XIRP2: variants seen among roughly 807,000 people sequenced by gnomAD.
The protein encoded by XIRP2 is xin actin binding repeat containing 2.
In XIRP2, 236 loss-of-function variants were observed where a neutral mutation model predicts 277.0. The observed-to-expected ratio is 0.85, with a 90% CI of 0.77 to 0.95. The LOEUF is 0.95. XIRP2 is among the 40% of genes least tolerant of loss of function. The pLI is 0.00. For missense variants in XIRP2, 4,640 were observed against 4,157.5 expected (o/e 1.12, Z -3.19); for synonymous variants, 1,490 against 1,416.5 (o/e 1.05, Z -1.17).
chr2:167,013,682 C>T (rs1349288859), intron 2 of XIRP2, among the ~76,000 whole-genome samples: 11 of 151,520 alleles, frequency 7.3e-5, no homozygotes, highest in Non-Finnish European at 1.3e-4. Context: ...CATTTAAAAA[C>T]ACATTTCTAA....
At chr2:167,050,238 G>A (rs1412479725) in intron 2 of XIRP2, among the ~76,000 whole-genome samples, 2 of 152,038 alleles carry the variant, frequency 1.3e-5, no homozygotes, top group East Asian at 3.9e-4. Context: ...CCTTTCAGCT[G>A]TTACATATAG....
At chr2:167,217,780 G>A (rs1694298830) in intron 4 of XIRP2, among the ~76,000 whole-genome samples, 2 of 152,058 alleles carry the variant, frequency 1.3e-5, no homozygotes, top group Admixed American at 1.3e-4. Context: ...CTATATAGAT[G>A]TTTGGGATTT....
At chr2:167,105,731 C>G (rs7557440) in intron 2 of XIRP2, among the ~76,000 whole-genome samples, 40,168 of 151,552 alleles carry the variant, frequency 0.27, 7,664 homozygotes, top group African/African-American at 0.54. Context: ...TTTAAAACAC[C>G]CCCAAACTGT....
chr2:166,944,841 C>G (rs565148910), intron 2 of XIRP2, among the ~76,000 whole-genome samples: 1 of 152,212 alleles, frequency 6.6e-6, no homozygotes, highest in East Asian at 1.9e-4. Context: ...GGGGCCACAT[C>G]TATTGACAGA....
intron 2 of XIRP2, among the ~76,000 whole-genome samples, chr2:167,107,326 T>C (rs1261409254): frequency 6.6e-6 from 1 of 151,858 alleles, no homozygotes. Context: ...GTAAGCATAA[T>C]GTTACCCATA....
chr2:167,244,951 C>A lies in XIRP2; in HGVS notation c.3559C>A (p.Pro1187Thr), dbSNP rs1695201765. Residue 1187 changes from proline to threonine, a missense_variant, in exon 9 of 11, where the codon CCT becomes ACT. Coordinates refer to ENST00000409195, the MANE Select transcript of XIRP2 (RefSeq NM_152381.6). Reference sequence around the variant, plus strand: ...AGGAGAAGAAGTGAAGGAAATCAAGCCTGTTGAAATGGATATACAAGCTGG... The same window carrying A: ...AGGAGAAGAAGTGAAGGAAATCAAGACTGTTGAAATGGATATACAAGCTGG... The part of the protein sequence containing the change: ...IQGEEVKEIK[P>T]VEMDIQAGDV... 1 of 1,612,178 alleles carries A rather than the reference C, an allele frequency of 6.2e-7. No individual in the cohort carries two copies. The highest frequency in any genetic ancestry group is 1.3e-5 in the African/African-American group (1 of 74,820).
chr2:166,899,024 G>A (rs1156573769), intron 1 of XIRP2, among the ~76,000 whole-genome samples: 1 of 151,918 alleles, frequency 6.6e-6, no homozygotes, highest in Non-Finnish European at 1.5e-5. Context: ...TGAAATTATG[G>A]GGCTCAAGTC....
chr2:167,171,831 A>G (rs1335072970), intron 3 of XIRP2, among the ~76,000 whole-genome samples: 1 of 152,080 alleles, frequency 6.6e-6, no homozygotes, highest in East Asian at 1.9e-4. Flanking sequence ...CACACTCTTA[A>G]CCTCAAAGTC....
At chr2:166,935,557 T>C (rs558224551) in intron 2 of XIRP2, among the ~76,000 whole-genome samples, 1 of 152,294 alleles carries the variant, frequency 6.6e-6, no homozygotes, top group East Asian at 1.9e-4. Context: ...ATGTTATTGC[T>C]ACCCCCCTCC....
chr2:167,033,543 A>C (rs1476715940), intron 2 of XIRP2, among the ~76,000 whole-genome samples: 5 of 152,176 alleles, frequency 3.3e-5, no homozygotes, highest in Non-Finnish European at 5.9e-5. Context: ...AGCAGATTTT[A>C]CCCAAATAAG....
chr2:167,051,201 A>G (rs1688906945), intron 2 of XIRP2, among the ~76,000 whole-genome samples: 1 of 152,102 alleles, frequency 6.6e-6, no homozygotes, highest in African/African-American at 2.4e-5. Context: ...GTGTCTTCAC[A>G]CTAGACAGAG....
chr2:167,243,246 AT>A lies in XIRP2; in HGVS notation c.1855del (p.Trp619GlyfsTer19). 1.2e-6 allele frequency: 2 copies of A among 1,614,124 alleles called. No individual in the cohort carries two copies. Among genetic ancestry groups the A allele is most frequent in the Non-Finnish European group, 1.7e-6 (2 of 1,179,998 alleles). ...IAGGDVKYTT[W>X]MFETQPIDTL... Reference sequence around the variant, plus strand: ...CTGGTGGTGATGTGAAATATACCACATGGATGTTTGAAACCCAACCCATCGA... The same window carrying A: ...CTGGTGGTGATGTGAAATATACCACAGGATGTTTGAAACCCAACCCATCGA... On this transcript the variant is annotated frameshift_variant, in exon 9 of 11. Coordinates refer to ENST00000409195, the MANE Select transcript of XIRP2 (RefSeq NM_152381.6). LOFTEE classifies it high-confidence loss of function.
intron 2 of XIRP2, among the ~76,000 whole-genome samples, chr2:167,028,910 A>G (rs1269525505): frequency 1.3e-5 from 2 of 151,780 alleles, no homozygotes; most frequent in African/African-American, 2.4e-5. Context: ...AAGCTGAAAA[A>G]TTTAATTGAC....
At chr2:167,004,524 T>C (rs961031566) in intron 2 of XIRP2, among the ~76,000 whole-genome samples, 1 of 151,824 alleles carries the variant, frequency 6.6e-6, no homozygotes, top group South Asian at 2.1e-4. Flanking sequence ...TAGGAACACG[T>C]GACAATTTGT....
chr2:167,083,059 G>C (rs1195314625), intron 2 of XIRP2, among the ~76,000 whole-genome samples: 1 of 152,178 alleles, frequency 6.6e-6, no homozygotes, highest in African/African-American at 2.4e-5. Context: ...TTTTCTTCTA[G>C]GGTTTTTTAT....
intron 2 of XIRP2, among the ~76,000 whole-genome samples, chr2:166,985,439 CT>C (rs535512847): frequency 1.7e-3 from 245 of 144,404 alleles, no homozygotes; most frequent in Non-Finnish European, 1.5e-3. Flanking sequence ...TCTTTTCTTT[CT>C]TTTTTTTTTT....
intron 2 of XIRP2, among the ~76,000 whole-genome samples, chr2:166,977,660 T>C (rs1263985700): frequency 6.6e-6 from 1 of 151,956 alleles, no homozygotes; most frequent in East Asian, 1.9e-4. Context: ...GGAAAAGGTA[T>C]AAAAAAATGA....
intron 2 of XIRP2, among the ~76,000 whole-genome samples, chr2:166,932,460 C>T (rs1685368857): frequency 6.6e-6 from 1 of 152,044 alleles, no homozygotes. Flanking sequence ...GCAATCCTCC[C>T]ACCTCAGCTG....
intron 2 of XIRP2, among the ~76,000 whole-genome samples, chr2:167,106,854 C>T (rs111554391): frequency 0.03 from 4,606 of 151,320 alleles, 76 homozygotes; most frequent in East Asian, 0.051. Context: ...AATTAATCAG[C>T]GTTCTGTAGT....
Sources: gnomAD v4.1 joint callset for allele counts (sites outside exome capture counted in the v4.1 genomes callset) on GRCh38, gnomAD v4.1.1 for gene constraint, MANE v1.5 for transcripts, NCBI Gene and HGNC (gene_info 2026-07-23, HGNC 2026-07-21) for gene names.